Variants in GNB1L observed in about 807,000 individuals in gnomAD.
GNB1L encodes the protein G protein subunit beta 1 like.
Under a neutral mutation model 29.1 loss-of-function variants are expected in GNB1L, and 20 were observed. The observed-to-expected ratio is 0.69, with a 90% CI of 0.48 to 1.00. The LOEUF (loss-of-function observed/expected upper bound fraction) is 1.00, where lower values mean the gene tolerates loss of function less well. Ranked by LOEUF, GNB1L falls within the 50% of genes least tolerant of loss-of-function variation. The pLI is 0.00. For missense variants in GNB1L, 421 were observed against 464.9 expected, an observed-to-expected ratio of 0.91 and a Z score of 0.87; for synonymous variants, 193 against 206.5, an observed-to-expected ratio of 0.93 and a Z score of 0.56.
intron 7 of GNB1L, among the ~76,000 whole-genome samples, chr22:19,798,995 T>C (rs1483547895): frequency 6.6e-6 from 1 of 152,008 alleles, no homozygotes; most frequent in Non-Finnish European, 1.5e-5. Flanking sequence ...CGGGGCCCTT[T>C]GGCCTCCCTC....
At chr22:19,848,935 A>G in intron 2 of GNB1L, 1 of 985,406 alleles carries the variant, frequency 1.0e-6, no homozygotes, top group Non-Finnish European at 1.2e-6. Flanking sequence ...CCTAGAGAGC[A>G]ACTCTGGGTT....
Position 19,816,432 on chromosome 22 carries a change from G to A in GNB1L, c.255-3985C>T, listed in dbSNP as rs941804439. 1.3e-5 allele frequency among the ~76,000 whole-genome samples: 2 copies of A among 152,180 alleles called. No individual in the cohort carries two copies. Among genetic ancestry groups the A allele is most frequent in the African/African-American group, 4.8e-5 (2 of 41,434 alleles). ...CCTCTGACGTGGCCATCTGCGAGAT[G>A]TCCAGACCTAGAATCTGCCATCTCC... is the stretch of plus-strand genomic sequence containing the variant. On this transcript the variant is annotated intron_variant, in intron 4 of 7. Coordinates refer to ENST00000329517, the MANE Select transcript of GNB1L (RefSeq NM_053004.3). This position sits in a 1 kb window ranked among gnomAD's most constrained non-coding sequence, Gnocchi z 4.4.
intron 2 of GNB1L, among the ~76,000 whole-genome samples, chr22:19,837,096 A>AGCT (rs1937777944): frequency 6.6e-6 from 1 of 151,538 alleles, no homozygotes; most frequent in South Asian, 2.1e-4. Context: ...CCTCCTGAGT[A>AGCT]GCTGGGACTA....
intron 4 of GNB1L, among the ~76,000 whole-genome samples, chr22:19,814,896 C>T (rs1937518986): frequency 6.6e-6 from 1 of 152,024 alleles, no homozygotes. Flanking sequence ...ATTAGTCAAG[C>T]TTGGTGGCGT....
intron 7 of GNB1L, among the ~76,000 whole-genome samples, chr22:19,794,884 G>C (rs1238462186): frequency 1.3e-5 from 2 of 152,186 alleles, no homozygotes; most frequent in Non-Finnish European, 2.9e-5. Flanking sequence ...GAGAGGCTGA[G>C]GCAGGAGAAT....
rs1240173566 is a variant in GNB1L at position 19,786,971 on chromosome 22, AG to A, written c.*1737del. On this transcript the variant is annotated 3_prime_UTR_variant, in exon 8 of 8. Coordinates refer to ENST00000329517, the MANE Select transcript of GNB1L (RefSeq NM_053004.3). ...GTGGCCACCCTTGTCCAACGGAGCC[AG>A]GCCAGTACCCGAGCCAGGTGGTCTC... 6.6e-6 allele frequency: 1 copy of A among 152,226 alleles called. No individual in the cohort carries two copies. The highest frequency in any genetic ancestry group is 6.5e-5 in the Admixed American group (1 of 15,284). 9.4% of individuals were successfully genotyped at this position (152,226 alleles called of 1,614,324 possible).
intron 4 of GNB1L, among the ~76,000 whole-genome samples, chr22:19,817,422 A>T (rs959164853): frequency 6.6e-6 from 1 of 151,984 alleles, no homozygotes; most frequent in African/African-American, 2.4e-5. Flanking sequence ...CGGAGGTTGC[A>T]GTGAGCCAAG....
At chr22:19,832,872 T>C (rs1381396853) in intron 2 of GNB1L, among the ~76,000 whole-genome samples, 2 of 152,176 alleles carry the variant, frequency 1.3e-5, no homozygotes, top group Non-Finnish European at 2.9e-5. Flanking sequence ...CAGCACCAGC[T>C]GTAAGAAGGG....
At position 19,812,324 on chromosome 22, in the gene GNB1L, T is replaced by TA. The variant is rs767145818; in HGVS notation, c.377_378insT (p.Arg127ThrfsTer60). ...TCCCTGGCACGGCAAGCGTCCAGCG[T>TA]GGCTGGCCCCCGGCCAGGATGCTGC... On this transcript the variant is annotated frameshift_variant, in exon 5 of 8. Transcript: ENST00000329517. LOFTEE classifies it high-confidence loss of function. The TA allele has an allele frequency of 6.2e-7, 1 of 1,613,062 alleles. No individual in the cohort carries two copies. Among genetic ancestry groups the TA allele is most frequent in the Non-Finnish European group, 8.5e-7 (1 of 1,179,906 alleles).
intron 4 of GNB1L, among the ~76,000 whole-genome samples, chr22:19,819,687 C>T (rs528273024): frequency 3.3e-5 from 5 of 152,314 alleles, no homozygotes; most frequent in South Asian, 4.1e-4. Context: ...GGACAGGCCA[C>T]CTCTGTGGAC....
intron 2 of GNB1L, chr22:19,851,889 T>C (rs752700854): frequency 6.2e-7 from 1 of 1,613,942 alleles, no homozygotes. Flanking sequence ...TGGAAGGACA[T>C]GTAATCGCCC....
At chr22:19,811,638 C>G (rs1299503061) in intron 5 of GNB1L, among the ~76,000 whole-genome samples, 1 of 152,136 alleles carries the variant, frequency 6.6e-6, no homozygotes, top group Non-Finnish European at 1.5e-5. Context: ...ACCAACACCT[C>G]TGGTCATTCT....
chr22:19,813,280 C>T (rs1486075647), intron 4 of GNB1L, among the ~76,000 whole-genome samples: 2 of 152,114 alleles, frequency 1.3e-5, no homozygotes, highest in African/African-American at 4.8e-5. Context: ...ATGCTGTTCT[C>T]CAAAAACAGG....
At chr22:19,827,148 C>T (rs1937625916) in intron 2 of GNB1L, among the ~76,000 whole-genome samples, 1 of 151,848 alleles carries the variant, frequency 6.6e-6, no homozygotes. Context: ...TATTAATTTC[C>T]TTGGAAGGAT....
intron 5 of GNB1L, among the ~76,000 whole-genome samples, chr22:19,807,321 G>A (rs1937448148): frequency 6.6e-6 from 1 of 152,180 alleles, no homozygotes; most frequent in Admixed American, 6.5e-5. Context: ...GGCTTGTGGG[G>A]TGTAGGCTCG....
At chr22:19,811,356 T>G (rs1477436118) in intron 5 of GNB1L, among the ~76,000 whole-genome samples, 2 of 152,126 alleles carry the variant, frequency 1.3e-5, no homozygotes, top group African/African-American at 4.8e-5. Context: ...GCATGGACAG[T>G]AGCCCCCACG....
intron 7 of GNB1L, among the ~76,000 whole-genome samples, chr22:19,797,800 G>GC (rs1937323884): frequency 6.6e-6 from 1 of 152,132 alleles, no homozygotes; most frequent in African/African-American, 2.4e-5. Context: ...AGGGCCCGGG[G>GC]CCCCCTGGTT....
chr22:19,831,986 C>A (rs1272473596), intron 2 of GNB1L, among the ~76,000 whole-genome samples: 2 of 152,086 alleles, frequency 1.3e-5, no homozygotes, highest in East Asian at 3.8e-4. Flanking sequence ...CTCATTACAG[C>A]CTCTCTCTCA....
chr22:19,841,425 C>T (rs1420703108), intron 2 of GNB1L, among the ~76,000 whole-genome samples: 1 of 152,148 alleles, frequency 6.6e-6, no homozygotes, highest in Admixed American at 6.5e-5. Context: ...CTTAAACAGA[C>T]TTAATGAGCC....
Sources: allele counts gnomAD v4.1 joint callset (sites outside exome capture counted in the v4.1 genomes callset), GRCh38; gene constraint gnomAD v4.1.1; non-coding constraint Gnocchi (gnomAD v3.1); transcripts MANE v1.5; gene names NCBI Gene and HGNC (gene_info 2026-07-23, HGNC 2026-07-21).